The following PIK3R6 variants were observed in gnomAD, a reference collection of about 807,000 sequenced individuals.
PIK3R6 encodes the protein phosphoinositide 3-kinase regulatory subunit 6.
Under a neutral mutation model 84.9 loss-of-function variants are expected in PIK3R6, and 91 were observed. The ratio of observed to expected loss-of-function variants is 1.07; its 90% CI spans 0.90 to 1.28. The LOEUF (loss-of-function observed/expected upper bound fraction) is 1.28. PIK3R6 is among the 50% of genes most tolerant of loss of function. The pLI, the probability that PIK3R6 is intolerant of heterozygous loss-of-function variation, is 0.00. For synonymous variants in PIK3R6, 416 were observed against 411.4 expected (o/e 1.01, Z -0.13); for missense variants, 996 against 985.1 (o/e 1.01, Z -0.15).
At position 8,832,907 on chromosome 17, in the gene PIK3R6, C is replaced by T. The variant is rs746554266; in HGVS notation, c.784G>A (p.Ala262Thr). The T allele has an allele frequency of 1.2e-6, 2 of 1,612,828 alleles. No individual in the cohort carries two copies. Among genetic ancestry groups the T allele is most frequent in the Admixed American group, 1.7e-5 (1 of 60,014 alleles). ...CGCTTACCACCGCAGCGCCCCGCCG[C>T]GGGACCCAGCAGCGAGCAGTAAATC... Reference protein sequence around the residue: ...EEIYCSLLGPAAGRCGGDLVQ... With the variant: ...EEIYCSLLGPTAGRCGGDLVQ... Residue 262 changes from alanine to threonine, a missense_variant, in exon 9 of 20, where the codon GCG (alanine) becomes ACG (threonine). By Grantham distance (58) the Ala-to-Thr change is moderately conservative. Coordinates refer to ENST00000619866, the MANE Select transcript of PIK3R6 (RefSeq NM_001010855.4).
chr17:8,863,294 G>A (rs568509359), intron 1 of PIK3R6, among the ~76,000 whole-genome samples: 18 of 152,088 alleles, frequency 1.2e-4, no homozygotes, highest in Middle Eastern at 6.8e-3. Context: ...TATGATAGAC[G>A]TATATAATGT....
chr17:8,866,190 G>A (rs1189570790), intron 1 of PIK3R6, among the ~76,000 whole-genome samples: 2 of 152,036 alleles, frequency 1.3e-5, no homozygotes, highest in Non-Finnish European at 2.9e-5. Flanking sequence ...TACCTCATAG[G>A]CTTGTCATGA....
chr17:8,839,156 T>A lies in PIK3R6; in HGVS notation c.97+458A>T, dbSNP rs2088589884. ...TGCGGTCAGGAGTTCGAGACCAACC[T>A]GGCCAACATGGTGAAACTGCATCTC... On this transcript the variant is annotated intron_variant, in intron 3 of 19. Transcript: ENST00000619866. This position sits in a 1 kb window ranked among gnomAD's most constrained non-coding sequence, Gnocchi z 4.2. Among the ~76,000 whole-genome samples, 1 of 152,088 alleles carries A rather than the reference T, an allele frequency of 6.6e-6. No individual in the cohort carries two copies. Among genetic ancestry groups the A allele is most frequent in the Non-Finnish European group, 1.5e-5 (1 of 68,016 alleles).
At chr17:8,831,569 A>C (rs530576136) in intron 9 of PIK3R6, among the ~76,000 whole-genome samples, 1 of 152,088 alleles carries the variant, frequency 6.6e-6, no homozygotes, top group Non-Finnish European at 1.5e-5. Flanking sequence ...ATGTTAAAGT[A>C]AAAGAGCGGA....
At chr17:8,815,846 C>G (rs746598138) in intron 18 of PIK3R6, among the ~76,000 whole-genome samples, 24 of 152,280 alleles carry the variant, frequency 1.6e-4, no homozygotes, top group Non-Finnish European at 2.8e-4. Context: ...GTGAGGAAGG[C>G]AAGTCTTTCC....
At chr17:8,826,648 G>C (rs1211070308) in intron 13 of PIK3R6, among the ~76,000 whole-genome samples, 1 of 152,070 alleles carries the variant, frequency 6.6e-6, no homozygotes, top group Non-Finnish European at 1.5e-5. Flanking sequence ...GCAAGGGAAG[G>C]GAGAGCATTA....
chr17:8,849,881 T>C lies in PIK3R6; in HGVS notation c.-87A>G. ...AGGTGGTTGCTTTTCTGCACAGAGGTGGTTCTGCAAAATAAGAGGTAGTTA... is the reference window on the plus strand; with the variant it reads ...AGGTGGTTGCTTTTCTGCACAGAGGCGGTTCTGCAAAATAAGAGGTAGTTA... On this transcript the variant is annotated 5_prime_UTR_variant, in exon 2 of 20. Coordinates refer to ENST00000619866, the MANE Select transcript of PIK3R6 (RefSeq NM_001010855.4). 1 of 1,528,334 alleles carries C rather than the reference T, an allele frequency of 6.5e-7. No homozygotes were observed. The highest frequency in any genetic ancestry group is 1.2e-5 in the South Asian group (1 of 82,670). 94.7% of individuals were successfully genotyped at this position (1,528,334 alleles called of 1,614,324 possible).
chr17:8,821,792 A>T, intron 17 of PIK3R6, 54 bp downstream of exon 17: 1 of 1,514,952 alleles, frequency 6.6e-7, no homozygotes, highest in Non-Finnish European at 9.0e-7. Flanking sequence ...TCTCCCCAGC[A>T]TTGCCCTTCT....
rs2088055854 is a variant in PIK3R6 at position 8,828,915 on chromosome 17, T to A, written c.965A>T (p.Gln322Leu). ...LSADLEVLDL[Q>L]GLRPDRELAR... ...CAACTCCCGGTCCGGCCGGAGGCCC[T>A]GCAGATCCAAGACCTCCAAGTCAGC... is the stretch of plus-strand genomic sequence containing the variant. The change falls in exon 11 of 20, where the codon CAG (glutamine) becomes CTG (leucine). Residue 322 changes from glutamine to leucine, a missense_variant. Gln to Leu is a moderately radical substitution (Grantham distance 113). Coordinates refer to ENST00000619866, the MANE Select transcript of PIK3R6 (RefSeq NM_001010855.4). 6.5e-6 allele frequency: 10 copies of A among 1,539,550 alleles called. No homozygotes were observed. The highest frequency in any genetic ancestry group is 1.4e-5 in the African/African-American group (1 of 72,210).
chr17:8,830,759 T>C (rs148564049), intron 9 of PIK3R6, among the ~76,000 whole-genome samples: 301 of 152,284 alleles, frequency 2.0e-3, no homozygotes, highest in African/African-American at 6.9e-3. Context: ...GAGTTCCTGC[T>C]CTTACCCACA....
intron 1 of PIK3R6, among the ~76,000 whole-genome samples, chr17:8,852,621 C>T (rs1416818938): frequency 6.6e-6 from 1 of 151,852 alleles, no homozygotes; most frequent in East Asian, 1.9e-4. Flanking sequence ...TGCCTGTAAT[C>T]CCAGCTACTT....
chr17:8,853,434 G>A (rs1248486556), intron 1 of PIK3R6, among the ~76,000 whole-genome samples: 8 of 145,424 alleles, frequency 5.5e-5, no homozygotes, highest in Non-Finnish European at 1.0e-4. Context: ...GCAGTGAGCC[G>A]AGATTGTGCC....
At position 8,827,214 on chromosome 17, in the gene PIK3R6, G is replaced by T; in HGVS notation, c.1473C>A (p.Asn491Lys). 6.2e-7 allele frequency: 1 copy of T among 1,610,162 alleles called. No homozygotes were observed. The highest frequency in any genetic ancestry group is 8.5e-7 in the Non-Finnish European group (1 of 1,178,456). ...GGATGGCGGGGCACAGCGTGTTGAC[G>T]TTGCTCTGGTACCACGGGTCTACGC... ...LGRVDPWYQSNVNTLCPAIHK... is the reference protein window; with the variant it reads ...LGRVDPWYQSKVNTLCPAIHK... Residue 491 changes from asparagine to lysine, a missense_variant, in exon 13 of 20, where the codon AAC becomes AAA. Asn to Lys is a moderately conservative substitution (Grantham distance 94, BLOSUM62 0). Coordinates refer to ENST00000619866, the MANE Select transcript of PIK3R6 (RefSeq NM_001010855.4).
chr17:8,861,903 G>A (rs917275772), intron 1 of PIK3R6, among the ~76,000 whole-genome samples: 4 of 152,232 alleles, frequency 2.6e-5, no homozygotes, highest in Admixed American at 1.3e-4. Context: ...TGTTGAAGTA[G>A]CTAAGATCTA....
At chr17:8,819,943 A>T (rs1303579739) in intron 17 of PIK3R6, among the ~76,000 whole-genome samples, 2 of 119,458 alleles carry the variant, frequency 1.7e-5, no homozygotes, top group African/African-American at 4.3e-5. Flanking sequence ...ATATATTTTT[A>T]TATATATATA....
intron 2 of PIK3R6, among the ~76,000 whole-genome samples, chr17:8,840,487 T>C (rs1017162314): frequency 1.4e-5 from 2 of 147,094 alleles, no homozygotes; most frequent in Non-Finnish European, 3.0e-5. Context: ...CAAATATATA[T>C]ATGAAATATA....
chr17:8,836,761 T>G (rs748528861), intron 6 of PIK3R6, 30 bp downstream of exon 6: 12 of 1,611,152 alleles, frequency 7.4e-6, no homozygotes, highest in Admixed American at 1.7e-5. Flanking sequence ...AGGTGCAGCG[T>G]GGGAGACAAA....
intron 12 of PIK3R6, 61 bp from the exon 13 acceptor site, chr17:8,827,355 G>T (rs1371515543): frequency 1.3e-6 from 2 of 1,526,980 alleles, no homozygotes; most frequent in Non-Finnish European, 1.8e-6. Context: ...CCTTCCAGCT[G>T]CCATCAGCCT....
chr17:8,858,310 CTTTTTT>C (rs752142944), intron 1 of PIK3R6, among the ~76,000 whole-genome samples: 4 of 95,516 alleles, frequency 4.2e-5, no homozygotes, highest in East Asian at 7.0e-4. Context: ...CTCAATTAAT[CTTTTTT>C]TTTTTTTTTT....
Sources: gnomAD v4.1 joint callset for allele counts (sites outside exome capture counted in the v4.1 genomes callset) on GRCh38, gnomAD v4.1.1 for gene constraint, Gnocchi (gnomAD v3.1) non-coding constraint, MANE v1.5 for transcripts, NCBI Gene and HGNC (gene_info 2026-07-23, HGNC 2026-07-21) for gene names.